RNF130: variants seen among roughly 807,000 people sequenced by gnomAD.
RNF130 encodes E3 ubiquitin-protein ligase RNF130.
RNF130 carries 21 observed loss-of-function variants against 44.6 expected under a neutral mutation model. The ratio of observed to expected loss-of-function variants is 0.47; its 90% CI spans 0.33 to 0.68. The LOEUF (loss-of-function observed/expected upper bound fraction) is 0.68, where lower values mean the gene tolerates loss of function less well. Ranked by LOEUF, RNF130 falls within the 30% of genes least tolerant of loss-of-function variation. RNF130 has a pLI of 0.02. For synonymous variants in RNF130, 214 were observed against 210.4 expected (o/e 1.02, Z -0.15); for missense variants, 479 against 560.6 (o/e 0.85, Z 1.47).
At chr5:179,917,937 T>TGGAG (rs1300634260) in exon 8 of RNF130, 1 of 151,996 alleles carries the variant, frequency 6.6e-6, no homozygotes, top group East Asian at 1.9e-4. Context: ...GCCCAGGAGG[T>TGGAG]GGAGGCTGCA....
chr5:179,960,526 T>C (rs528490516), intron 8 of RNF130, among the ~76,000 whole-genome samples: 2 of 152,336 alleles, frequency 1.3e-5, no homozygotes, highest in Non-Finnish European at 2.9e-5. Flanking sequence ...GTGGGGATCC[T>C]CCTTGTGTAG....
At chr5:180,012,625 G>A (rs1763619583) in intron 3 of RNF130, among the ~76,000 whole-genome samples, 1 of 152,124 alleles carries the variant, frequency 6.6e-6, no homozygotes, top group African/African-American at 2.4e-5. Context: ...GTTTTTCATT[G>A]ATTTCATTTT....
intron 2 of RNF130, among the ~76,000 whole-genome samples, chr5:180,017,318 T>A (rs1042011031): frequency 6.6e-6 from 1 of 152,194 alleles, no homozygotes; most frequent in African/African-American, 2.4e-5. Flanking sequence ...GGTTGTACCT[T>A]TATTTTTGGT....
chr5:179,992,804 C>T (rs923107153), intron 3 of RNF130, among the ~76,000 whole-genome samples: 1 of 152,022 alleles, frequency 6.6e-6, no homozygotes, highest in Non-Finnish European at 1.5e-5. Flanking sequence ...ATACATGTGC[C>T]ATGTTGGTGT....
At chr5:180,059,061 T>C (rs574044352) in intron 1 of RNF130, among the ~76,000 whole-genome samples, 22 of 152,160 alleles carry the variant, frequency 1.4e-4, no homozygotes, top group Non-Finnish European at 3.1e-4. Context: ...TCCAAAATCC[T>C]AACAAGGCCT....
chr5:180,009,985 C>A (rs1198788195), intron 3 of RNF130, among the ~76,000 whole-genome samples: 7 of 152,100 alleles, frequency 4.6e-5, no homozygotes, highest in Admixed American at 4.6e-4. Context: ...CAGTGGCTCA[C>A]GCCTGTAATC....
intron 1 of RNF130, among the ~76,000 whole-genome samples, chr5:180,045,621 G>A (rs1323645769): frequency 6.6e-6 from 1 of 152,210 alleles, no homozygotes; most frequent in Non-Finnish European, 1.5e-5. Context: ...ACAGAGAGCT[G>A]ATTGGCCCAT....
chr5:179,913,780 C>T (rs922767376), exon 8 of RNF130: 8 of 152,302 alleles, frequency 5.3e-5, no homozygotes, highest in Admixed American at 3.3e-4. Flanking sequence ...CCAGCCCTCT[C>T]AGCCAGGCCT....
chr5:179,944,660 G>A (rs899305867), intron 7 of RNF130, among the ~76,000 whole-genome samples: 7 of 151,938 alleles, frequency 4.6e-5, no homozygotes, highest in African/African-American at 1.7e-4. Context: ...TCCTCAGGGG[G>A]CTGAGGTGGG....
intron 7 of RNF130, among the ~76,000 whole-genome samples, chr5:179,966,603 TA>T (rs1762454467): frequency 6.6e-6 from 1 of 152,254 alleles, no homozygotes; most frequent in African/African-American, 2.4e-5. Flanking sequence ...CAGCTATTCC[TA>T]TTAATTATAC....
intron 7 of RNF130, among the ~76,000 whole-genome samples, chr5:179,937,715 T>C (rs981648689): frequency 2.0e-5 from 3 of 152,010 alleles, no homozygotes; most frequent in Non-Finnish European, 4.4e-5. Context: ...ACCCAAAGAA[T>C]TGAAAACAAG....
chr5:180,012,724 TCCAAGTTC>T (rs1424388744), intron 3 of RNF130, among the ~76,000 whole-genome samples: 1 of 152,126 alleles, frequency 6.6e-6, no homozygotes, highest in African/African-American at 2.4e-5. Context: ...CTAACCCCCC[TCCAAGTTC>T]CCATTTGCAG....
Position 180,071,517 on chromosome 5 carries a change from C to A in RNF130, c.186G>T (p.Gly62=), listed in dbSNP as rs755550389. 3.7e-6 allele frequency: 5 copies of A among 1,355,294 alleles called. No homozygotes were observed. Among genetic ancestry groups the A allele is most frequent in the Admixed American group, 5.5e-5 (2 of 36,328 alleles). 84.0% of individuals were successfully genotyped at this position (1,355,294 alleles called of 1,614,324 possible). The change falls in exon 1 of 9, where the codon GGG becomes GGT. Residue 62 remains glycine, a synonymous_variant. Transcript: ENST00000521389. ...LTFRIDRGRY[G]LDSPKAEVRG... is the part of the protein sequence containing the mutation. ...GGACCTCGGCCTTGGGGGAGTCAAG[C>A]CCGTAGCGCCCGCGGTCGATGCGAA... is the stretch of plus-strand genomic sequence containing the variant.
At chr5:180,028,321 T>C (rs957228833) in intron 2 of RNF130, among the ~76,000 whole-genome samples, 18 of 152,170 alleles carry the variant, frequency 1.2e-4, no homozygotes, top group African/African-American at 4.1e-4. Flanking sequence ...TTGTTTATGC[T>C]TGGAGCTCTA....
chr5:180,040,617 G>A lies in RNF130; in HGVS notation c.278C>T (p.Thr93Ile), dbSNP rs1178028939. Residue 93 changes from threonine (T) to isoleucine (I), a missense_variant, in exon 2 of 9, where the codon ACC becomes ATC. By Grantham distance (89) the Thr-to-Ile change is moderately conservative. Around this residue, in one of 3 missense-constraint regions of RNF130, gnomAD observed 180 missense variants for 275.1 expected, o/e 0.65. Coordinates refer to ENST00000521389, the MANE Select transcript of RNF130 (RefSeq NM_018434.6). ...VADHLGCDPQTRFFVPPNIKQ... is the reference protein window; with the variant it reads ...VADHLGCDPQIRFFVPPNIKQ... ...GATATTAGGAGGGACAAAGAACCGG[G>A]TTTGTGGATCACAGCCCAGATGATC... 6.2e-7 allele frequency: 1 copy of A among 1,614,038 alleles called. No individual in the cohort carries two copies. Among genetic ancestry groups the A allele is most frequent in the African/African-American group, 1.3e-5 (1 of 75,022 alleles).
intron 1 of RNF130, among the ~76,000 whole-genome samples, chr5:180,047,574 G>C (rs1180784254): frequency 6.6e-6 from 1 of 152,062 alleles, no homozygotes; most frequent in Non-Finnish European, 1.5e-5. Context: ...GTGAAACCCT[G>C]TCTCTATTAA....
intron 2 of RNF130, among the ~76,000 whole-genome samples, chr5:180,037,143 CAATT>C (rs1246099196): frequency 6.6e-6 from 1 of 152,214 alleles, no homozygotes; most frequent in Non-Finnish European, 1.5e-5. Flanking sequence ...AAACGTGCCA[CAATT>C]AATCCAGTCT....
chr5:179,994,827 G>A (rs912039485), intron 3 of RNF130, among the ~76,000 whole-genome samples: 1 of 152,156 alleles, frequency 6.6e-6, no homozygotes, highest in Admixed American at 6.6e-5. Context: ...GGTAGTTGCA[G>A]GTCACAGCTG....
chr5:179,964,949 TA>T (rs1468618328), intron 7 of RNF130, among the ~76,000 whole-genome samples: 2 of 152,204 alleles, frequency 1.3e-5, no homozygotes, highest in Non-Finnish European at 2.9e-5. Context: ...TGTTTTAAGT[TA>T]GGGAAAATGT....
Sources: gnomAD v4.1 joint callset for allele counts (sites outside exome capture counted in the v4.1 genomes callset) on GRCh38, gnomAD v4.1.1 for gene constraint, gnomAD v4.1.1 regional missense constraint, MANE v1.5 for transcripts, NCBI Gene and HGNC (gene_info 2026-07-23, HGNC 2026-07-21) for gene names.